Variants in NOD1 observed in about 807,000 individuals in gnomAD.
NOD1 encodes the protein nucleotide-binding oligomerization domain-containing protein 1.
In NOD1, 70 loss-of-function variants were observed where a neutral mutation model predicts 81.2. That is an observed-to-expected ratio of 0.86 (90% CI 0.71 to 1.05). The LOEUF is 1.05. Among genes scored for constraint, NOD1 ranks in the 50% least tolerant of loss-of-function variants. The pLI, the probability that NOD1 is intolerant of heterozygous loss-of-function variation, is 0.00. For synonymous variants in NOD1, 508 were observed against 526.9 expected, an observed-to-expected ratio of 0.96 and a Z score of 0.49; for missense variants, 1,233 against 1,228.0, an observed-to-expected ratio of 1.00 and a Z score of -0.06.
chr7:30,478,250 A>C lies in NOD1; in HGVS notation c.-352+356T>G, dbSNP rs1788992475. Among the ~76,000 whole-genome samples the C allele has an allele frequency of 6.6e-6, 1 of 151,986 alleles. No individual in the cohort carries two copies. Among genetic ancestry groups the C allele is most frequent in the Non-Finnish European group, 1.5e-5 (1 of 67,996 alleles). ...ATCACTTGGGGAGCTTTTAAAAGAT[A>C]CGGAGGCCTGGGTCTGACTCCGTGA... On this transcript the variant is annotated intron_variant, in intron 1 of 13. Transcript: ENST00000222823. This position sits in a 1 kb window ranked among gnomAD's most constrained non-coding sequence, Gnocchi z 4.1.
chr7:30,452,947 T>C lies in NOD1; in HGVS notation c.470A>G (p.Glu157Gly). 1.2e-6 allele frequency: 2 copies of C among 1,613,834 alleles called. No individual in the cohort carries two copies. The highest frequency in any genetic ancestry group is 1.1e-5 in the South Asian group (1 of 91,080). ...CTCCATGATGGTGTCCATGTAGATC[T>C]CCTCCAGCAGCAGCTCCTCCTTCTG... ...YAQKEELLLE[E>G]IYMDTIMELV... Residue 157 changes from glutamate (E) to glycine (G), a missense_variant, in exon 6 of 14, where the codon GAG becomes GGG. Physicochemically the swap from Glu to Gly is moderately conservative, Grantham distance 98. Transcript: ENST00000222823.
chr7:30,464,626 GAGGGA>G (rs1562711345), intron 1 of NOD1, among the ~76,000 whole-genome samples: 1 of 152,220 alleles, frequency 6.6e-6, no homozygotes, highest in African/African-American at 2.4e-5. Context: ...GAGCAAATTA[GAGGGA>G]AGTTCCTGCT....
chr7:30,438,775 G>C (rs1169068815), intron 9 of NOD1, among the ~76,000 whole-genome samples: 1 of 152,180 alleles, frequency 6.6e-6, no homozygotes, highest in Non-Finnish European at 1.5e-5. Flanking sequence ...GATACATATA[G>C]TCTCACCCCT....
Position 30,456,973 on chromosome 7 carries a change from G to A in NOD1, c.-52C>T. On this transcript the variant is annotated 5_prime_UTR_variant, in exon 4 of 14. Coordinates refer to ENST00000222823, the MANE Select transcript of NOD1 (RefSeq NM_006092.4). ...CCCAAATTCATCTTCAGCTGCGTGT[G>A]TCCTCTCAGCAGAAGGGCAATCAGG... 6.7e-7 allele frequency: 1 copy of A among 1,490,586 alleles called. No individual in the cohort carries two copies. Among genetic ancestry groups the A allele is most frequent in the Non-Finnish European group, 9.4e-7 (1 of 1,068,560 alleles). 92.3% of individuals were successfully genotyped at this position (1,490,586 alleles called of 1,614,324 possible).
chr7:30,460,423 G>T, intron 1 of NOD1: 1 of 985,420 alleles, frequency 1.0e-6, no homozygotes, highest in Non-Finnish European at 1.2e-6. Flanking sequence ...GACGGAGATT[G>T]GGCTGGGGCC....
chr7:30,437,634 C>A lies in NOD1; in HGVS notation c.2476G>T (p.Asp826Tyr). The A allele has an allele frequency of 6.6e-7, 1 of 1,511,650 alleles. No individual in the cohort carries two copies. Among genetic ancestry groups the A allele is most frequent in the Non-Finnish European group, 8.8e-7 (1 of 1,142,390 alleles). The allele number at this position is 1,511,650 out of a possible 1,614,324, so 93.6% of individuals were successfully genotyped here. ...EVGMWGNQVG[D>Y]EGAKAFAEAL... ...TCTGCGAAGGCTTTTGCTCCTTCAT[C>A]CCCAACTTGATTGCCCCACATCCTG... The change falls in exon 10 of 14, where the codon GAT (aspartate) becomes TAT (tyrosine). Residue 826 changes from aspartate (D) to tyrosine (Y), a missense_variant. Transcript: ENST00000222823.
chr7:30,425,690 T>A lies in NOD1; in HGVS notation c.2810A>T (p.Lys937Ile). The A allele has an allele frequency of 6.2e-7, 1 of 1,613,598 alleles. No homozygotes were observed. ...TEICLNGNLI[K>I]PEEAKVYEDE... ...TTCATAGACTTTGGCCTCCTCTGGT[T>A]TTATCAGGTTTCCATTTAGGCTGTT... is the stretch of plus-strand genomic sequence containing the variant. The change falls in exon 14 of 14, where the codon AAA becomes ATA. Residue 937 changes from lysine (K) to isoleucine (I), a missense_variant. Physicochemically the swap from Lys to Ile is moderately radical, Grantham distance 102. Transcript: ENST00000222823.
intron 9 of NOD1, among the ~76,000 whole-genome samples, chr7:30,439,093 G>A (rs1269404140): frequency 6.6e-6 from 1 of 152,166 alleles, no homozygotes; most frequent in African/African-American, 2.4e-5. Flanking sequence ...AGCAAGTGTT[G>A]GCAAGGATGT....
At chr7:30,446,425 C>G (rs943435009) in intron 8 of NOD1, 1 of 582,488 alleles carries the variant, frequency 1.7e-6, no homozygotes, top group African/African-American at 1.9e-5. Flanking sequence ...GGTTCCTCTC[C>G]AGGAGATGGT....
intron 1 of NOD1, chr7:30,460,566 G>A (rs1284941241): frequency 2.0e-6 from 2 of 985,292 alleles, no homozygotes; most frequent in East Asian, 1.1e-4. Context: ...CCAAGCTAAT[G>A]GAGGCAGCCA....
At chr7:30,426,835 C>T (rs76563927) in intron 13 of NOD1, among the ~76,000 whole-genome samples, 7,562 of 152,204 alleles carry the variant, frequency 0.05, 226 homozygotes, top group South Asian at 0.1. Flanking sequence ...CTGTTCCCTA[C>T]GCAGAATACT....
chr7:30,473,704 G>T (rs979432667), intron 1 of NOD1, among the ~76,000 whole-genome samples: 5 of 152,202 alleles, frequency 3.3e-5, no homozygotes, highest in African/African-American at 1.2e-4. Flanking sequence ...CCAGAAATAT[G>T]GCCCTACACA....
chr7:30,450,828 T>C (rs192658510), intron 6 of NOD1, among the ~76,000 whole-genome samples: 3 of 152,324 alleles, frequency 2.0e-5, no homozygotes, highest in Admixed American at 2.0e-4. Context: ...TCTGCCAAAA[T>C]AGAGACAATA....
At chr7:30,449,319 C>A (rs534725354) in intron 6 of NOD1, among the ~76,000 whole-genome samples, 1 of 152,342 alleles carries the variant, frequency 6.6e-6, no homozygotes, top group East Asian at 1.9e-4. Flanking sequence ...GCACAGGCTG[C>A]TAGACATTCC....
chr7:30,435,361 G>T (rs1262060569), intron 11 of NOD1, among the ~76,000 whole-genome samples: 1 of 152,162 alleles, frequency 6.6e-6, no homozygotes, highest in African/African-American at 2.4e-5. Flanking sequence ...TTTGAGCCAA[G>T]TGTGTGGAAG....
intron 12 of NOD1, among the ~76,000 whole-genome samples, chr7:30,431,022 TCCAA>T (rs1170680414): frequency 6.6e-6 from 1 of 152,172 alleles, no homozygotes; most frequent in East Asian, 1.9e-4. Flanking sequence ...GAAGGCAGCC[TCCAA>T]CCAAGATGTG....
intron 11 of NOD1, among the ~76,000 whole-genome samples, chr7:30,434,036 G>T (rs1381157552): frequency 6.6e-6 from 1 of 152,184 alleles, no homozygotes; most frequent in Non-Finnish European, 1.5e-5. Flanking sequence ...ATCTATTCGA[G>T]ATGTTGTGCA....
At chr7:30,433,343 C>G (rs1487270423) in intron 11 of NOD1, 164 bp from the exon 12 acceptor site, 5 of 603,044 alleles carry the variant, frequency 8.3e-6, no homozygotes, top group African/African-American at 3.7e-5. Flanking sequence ...CTGTCAGCCC[C>G]ACAGAAGGTC....
chr7:30,450,558 C>T (rs146516117), intron 6 of NOD1, among the ~76,000 whole-genome samples: 13 of 152,324 alleles, frequency 8.5e-5, no homozygotes, highest in African/African-American at 2.6e-4. Flanking sequence ...AAAACAACCA[C>T]GAGTCAGCAT....
Sources: allele counts gnomAD v4.1 joint callset (sites outside exome capture counted in the v4.1 genomes callset), GRCh38; gene constraint gnomAD v4.1.1; non-coding constraint Gnocchi (gnomAD v3.1); transcripts MANE v1.5; gene names NCBI Gene and HGNC (gene_info 2026-07-23, HGNC 2026-07-21).